The following UBE4B variants were observed in gnomAD, a reference collection of about 807,000 sequenced individuals.
UBE4B encodes ubiquitin conjugation factor E4 B.
A neutral mutation model predicts 148.1 loss-of-function variants in UBE4B; 27 were observed. That is an observed-to-expected ratio of 0.18 (90% CI 0.13 to 0.25). The LOEUF is 0.25. Among genes scored for constraint, UBE4B ranks in the 10% least tolerant of loss-of-function variants. The pLI, the probability that UBE4B is intolerant of heterozygous loss-of-function variation, is 1.00. For synonymous variants in UBE4B, 596 were observed against 619.3 expected (o/e 0.96, Z 0.56); for missense variants, 1,170 against 1,662.4 (o/e 0.70, Z 5.15).
chr1:10,147,085 T>C lies in UBE4B; in HGVS notation c.2586T>C (p.Tyr862=). The stretch of plus-strand genomic sequence containing the variant: ...TGCTCCGCATCCTGGACCCCGCATA[T>C]CCCGAGTGAGTGTGCTTCTTCCTGT... ...QLLLRILDPA[Y]PDITLPLNSD... is the part of the protein sequence containing the mutation. The change falls in exon 19 of 28, where the codon TAT becomes TAC. Residue 862 remains tyrosine (Y), a synonymous_variant. Coordinates refer to ENST00000343090, the MANE Select transcript of UBE4B (RefSeq NM_001105562.3). The C allele has an allele frequency of 6.2e-7, 1 of 1,614,182 alleles. No homozygotes were observed. Among genetic ancestry groups the C allele is most frequent in the South Asian group, 1.1e-5 (1 of 91,088 alleles).
chr1:10,101,263 G>A, intron 4 of UBE4B, 68 bp downstream of exon 4: 2 of 1,503,692 alleles, frequency 1.3e-6, no homozygotes, highest in Non-Finnish European at 1.8e-6. Context: ...TGTATCTGTA[G>A]AGTCTGTTAG....
At chr1:10,149,334 G>C (rs2101983990) in intron 20 of UBE4B, 52 bp downstream of exon 20, 1 of 1,399,534 alleles carries the variant, frequency 7.1e-7, no homozygotes, top group Non-Finnish European at 9.8e-7. Flanking sequence ...ATGCATAATA[G>C]TATAATATTC....
intron 25 of UBE4B, 79 bp downstream of exon 25, chr1:10,171,408 C>G: frequency 6.6e-7 from 1 of 1,520,682 alleles, no homozygotes; most frequent in South Asian, 1.2e-5. Flanking sequence ...GGGAACTCGT[C>G]TGGTGTAAAT....
chr1:10,128,196 G>C (rs1276300395), intron 11 of UBE4B: 1 of 152,166 alleles, frequency 6.6e-6, no homozygotes, highest in Non-Finnish European at 1.5e-5. Flanking sequence ...GTTGGCTTTT[G>C]GGTTGTGGTG....
chr1:10,179,764 CCTT>C (rs907218580), intron 27 of UBE4B, 128 bp from the exon 28 acceptor site: 8 of 1,366,124 alleles, frequency 5.9e-6, no homozygotes, highest in Middle Eastern at 1.8e-4. Flanking sequence ...ATGTCCCAGT[CCTT>C]CTGGAGTCTT....
intron 15 of UBE4B, among the ~76,000 whole-genome samples, chr1:10,133,114 T>C (rs1263332436): frequency 6.6e-6 from 1 of 152,112 alleles, no homozygotes; most frequent in Non-Finnish European, 1.5e-5. Context: ...AGAAGGCAGC[T>C]GCAAGGGCGT....
chr1:10,086,036 A>G (rs1014830794), intron 2 of UBE4B, among the ~76,000 whole-genome samples: 5 of 151,486 alleles, frequency 3.3e-5, no homozygotes, highest in African/African-American at 9.7e-5. Context: ...CAGTGGCACA[A>G]TCTCCGCTTA....
At chr1:10,071,975 A>G in intron 1 of UBE4B, 53 bp from the exon 2 acceptor site, 1 of 1,490,534 alleles carries the variant, frequency 6.7e-7, no homozygotes, top group Non-Finnish European at 8.9e-7. Flanking sequence ...TCTCTGGCAG[A>G]ATTGTGTTTC....
At chr1:10,045,483 G>T (rs1643892301) in intron 1 of UBE4B, among the ~76,000 whole-genome samples, 4 of 152,078 alleles carry the variant, frequency 2.6e-5, no homozygotes, top group Non-Finnish European at 5.9e-5. Flanking sequence ...TTTTGTTGTG[G>T]TTTAATGTGC....
chr1:10,088,143 C>T (rs905604722), intron 2 of UBE4B, among the ~76,000 whole-genome samples: 1 of 152,064 alleles, frequency 6.6e-6, no homozygotes, highest in Non-Finnish European at 1.5e-5. Context: ...TTTTCCTGCC[C>T]CAGCCCTAGA....
chr1:10,114,055 A>G (rs911763878), intron 7 of UBE4B, among the ~76,000 whole-genome samples: 1 of 140,028 alleles, frequency 7.1e-6, no homozygotes, highest in Non-Finnish European at 1.5e-5. Flanking sequence ...ACAGAGCGAG[A>G]CTCCGTCTCA....
At chr1:10,056,135 T>C (rs1310874944) in intron 1 of UBE4B, among the ~76,000 whole-genome samples, 1 of 152,216 alleles carries the variant, frequency 6.6e-6, no homozygotes, top group Non-Finnish European at 1.5e-5. Flanking sequence ...AAAATTATTC[T>C]ACACTCAGCA....
At chr1:10,121,232 T>C (rs1645404416) in intron 9 of UBE4B, among the ~76,000 whole-genome samples, 1 of 151,906 alleles carries the variant, frequency 6.6e-6, no homozygotes, top group Non-Finnish European at 1.5e-5. Flanking sequence ...GGCAGGCGCC[T>C]GTAGTCCCAG....
rs776072724 is a variant in UBE4B, at chr1:10,126,306, G to GATAA, written c.1555-485_1555-484insAATA. Among the ~76,000 whole-genome samples the GATAA allele has an allele frequency of 1.1e-4, 7 of 64,304 alleles. No homozygotes were observed. In the East Asian group the frequency reaches 2.1e-3, roughly 20 times the overall value. 42.2% of individuals were successfully genotyped at this position (64,304 alleles called of 152,430 possible). A position where few individuals can be genotyped will look rare whatever the true frequency, so the allele number is the denominator to read the frequency against. On this transcript the variant is annotated intron_variant, in intron 10 of 27. Transcript: ENST00000343090. ...CAGAGCGAGACTCCGTCTCAATATA[G>GATAA]ATAGATAGATAGATAGATAGATAGA...
intron 1 of UBE4B, among the ~76,000 whole-genome samples, chr1:10,063,941 C>G (rs559757871): frequency 6.6e-6 from 1 of 151,866 alleles, no homozygotes; most frequent in East Asian, 1.9e-4. Flanking sequence ...TACATCTTAC[C>G]TGGTTATTCC....
intron 2 of UBE4B, among the ~76,000 whole-genome samples, chr1:10,090,547 T>C (rs536662312): frequency 6.6e-6 from 1 of 152,184 alleles, no homozygotes; most frequent in Non-Finnish European, 1.5e-5. Flanking sequence ...GCCATTACCT[T>C]TAAGACCAAT....
chr1:10,074,904 C>G (rs114230585), intron 2 of UBE4B, among the ~76,000 whole-genome samples: 211 of 152,306 alleles, frequency 1.4e-3, no homozygotes, highest in African/African-American at 4.9e-3. Context: ...TGGACCTGCT[C>G]CTTGAACCTC....
At chr1:10,048,037 G>A (rs144082826) in intron 1 of UBE4B, among the ~76,000 whole-genome samples, 2 of 152,118 alleles carry the variant, frequency 1.3e-5, no homozygotes, top group East Asian at 3.9e-4. Flanking sequence ...TATTAGAGAC[G>A]AGGGTCTCCC....
At chr1:10,177,855 G>T (rs1238362440) in intron 25 of UBE4B, among the ~76,000 whole-genome samples, 1 of 152,122 alleles carries the variant, frequency 6.6e-6, no homozygotes, top group Non-Finnish European at 1.5e-5. Context: ...TTAGGCACCT[G>T]TGAGGTAGAT....
Sources: gnomAD v4.1 joint callset for allele counts (sites outside exome capture counted in the v4.1 genomes callset) on GRCh38, gnomAD v4.1.1 for gene constraint, MANE v1.5 for transcripts, NCBI Gene and HGNC (gene_info 2026-07-23, HGNC 2026-07-21) for gene names.